The following RYK variants were observed in gnomAD, a reference collection of about 807,000 sequenced individuals.
The protein encoded by RYK is receptor like tyrosine kinase.
A neutral mutation model predicts 70.2 loss-of-function variants in RYK; 21 were observed. The observed-to-expected ratio is 0.30, with a 90% CI of 0.21 to 0.43. The LOEUF is 0.43. RYK is among the 20% of genes least tolerant of loss of function. The probability of loss-of-function intolerance (pLI) is 1.00; values close to 1 mark genes in which losing one functional copy is unlikely to be tolerated. For synonymous variants in RYK, 267 were observed against 278.0 expected (o/e 0.96, Z 0.39); for missense variants, 604 against 753.3 (o/e 0.80, Z 2.32).
intron 13 of RYK, among the ~76,000 whole-genome samples, chr3:134,173,449 T>C (rs1396546030): frequency 2.6e-5 from 4 of 151,880 alleles, no homozygotes; most frequent in African/African-American, 9.7e-5. Flanking sequence ...AGGAGAGAGG[T>C]TGAATTGACT....
In RYK at chr3:134,240,077, T is replaced by A. The variant is rs145505311; in HGVS notation, c.232+10346A>T. ...GTCTCTACATATACATTTACATATT[T>A]ATAAATCAGGAAAAGCTCAACAGCT... On this transcript the variant is annotated intron_variant, in intron 1 of 14. Transcript: ENST00000623711. Among the ~76,000 whole-genome samples, 1,117 of 152,336 alleles carry A rather than the reference T, an allele frequency of 7.3e-3. 9 individuals are homozygous for A. The highest frequency in any genetic ancestry group is 0.031 in the Middle Eastern group (9 of 294).
At chr3:134,195,253 C>A in intron 6 of RYK, 71 bp from the exon 7 acceptor site, 1 of 1,039,664 alleles carries the variant, frequency 9.6e-7, no homozygotes, top group Admixed American at 1.9e-5. Context: ...TCCATACATA[C>A]AAAATGCACA....
intron 7 of RYK, among the ~76,000 whole-genome samples, chr3:134,194,806 G>T (rs936883672): frequency 1.3e-5 from 2 of 152,094 alleles, no homozygotes; most frequent in African/African-American, 4.8e-5. Context: ...AATTTCTATA[G>T]AAGTGACTTA....
chr3:134,225,664 G>A (rs1451495228), intron 1 of RYK, among the ~76,000 whole-genome samples: 1 of 152,050 alleles, frequency 6.6e-6, no homozygotes, highest in Non-Finnish European at 1.5e-5. Context: ...GACCAGCCTG[G>A]GCAACACAGC....
chr3:134,166,115 C>T (rs1436234729), intron 13 of RYK, among the ~76,000 whole-genome samples: 2 of 152,180 alleles, frequency 1.3e-5, no homozygotes, highest in African/African-American at 4.8e-5. Flanking sequence ...GTGTCCCTGC[C>T]ACCATTTATA....
At chr3:134,178,242 G>C in intron 10 of RYK, 169 bp from the exon 11 acceptor site, 1 of 560,802 alleles carries the variant, frequency 1.8e-6, no homozygotes, top group South Asian at 2.5e-5. Flanking sequence ...CCAGACTTAA[G>C]TGTCCCCTAT....
At chr3:134,188,514 C>T (rs1198983514) in intron 9 of RYK, among the ~76,000 whole-genome samples, 2 of 152,176 alleles carry the variant, frequency 1.3e-5, no homozygotes, top group Admixed American at 1.3e-4. Context: ...CCAACTATGG[C>T]TATACCTGCA....
At chr3:134,212,852 T>C (rs960380565) in intron 2 of RYK, among the ~76,000 whole-genome samples, 2 of 152,186 alleles carry the variant, frequency 1.3e-5, no homozygotes, top group African/African-American at 2.4e-5. Context: ...TTGGGGTTTC[T>C]CCTTTCACAC....
intron 1 of RYK, among the ~76,000 whole-genome samples, chr3:134,224,335 GGAGA>G (rs1489055301): frequency 5.9e-5 from 9 of 152,106 alleles, no homozygotes; most frequent in Non-Finnish European, 2.9e-5. Context: ...TAGCTGAGGT[GGAGA>G]GAGAGAGGGG....
At chr3:134,184,395 T>C (rs1336300088) in intron 9 of RYK, among the ~76,000 whole-genome samples, 1 of 152,130 alleles carries the variant, frequency 6.6e-6, no homozygotes, top group Non-Finnish European at 1.5e-5. Context: ...GGATTCCTCA[T>C]CTTATAGGGA....
rs1487126898 is a variant in RYK, at chr3:134,250,608, G to C, written c.47C>G (p.Pro16Arg). The C allele has an allele frequency of 4.8e-6, 5 of 1,032,656 alleles. No individual in the cohort carries two copies. The highest frequency in any genetic ancestry group is 4.5e-4 in the Middle Eastern group (1 of 2,240). 64.0% of individuals were successfully genotyped at this position (1,032,656 alleles called of 1,614,324 possible). Residue 16 changes from proline (P) to arginine (R), a missense_variant, in exon 1 of 15, where the codon CCG becomes CGG. By Grantham distance (103) the Pro-to-Arg change is moderately radical. Coordinates refer to ENST00000623711, the MANE Select transcript of RYK (RefSeq NM_002958.4). ...CGGGGCCCTCAGGCCGCGGGCCCCC[G>C]GGAGGCAACTCCGGCCCGGCCGCCC... ...RLGRPGRSCL[P>R]GARGLRAPPP...
At chr3:134,174,091 G>A (rs1017440444) in intron 13 of RYK, among the ~76,000 whole-genome samples, 1 of 152,176 alleles carries the variant, frequency 6.6e-6, no homozygotes, top group African/African-American at 2.4e-5. Flanking sequence ...TTTGAAAGAC[G>A]TATGTGAAGA....
At chr3:134,165,452 C>G (rs1356987464) in intron 13 of RYK, among the ~76,000 whole-genome samples, 3 of 152,206 alleles carry the variant, frequency 2.0e-5, no homozygotes, top group African/African-American at 7.2e-5. Flanking sequence ...AAAAACAATT[C>G]AGCCTTTCAC....
At chr3:134,186,870 T>C (rs774470508) in intron 9 of RYK, among the ~76,000 whole-genome samples, 4 of 150,990 alleles carry the variant, frequency 2.6e-5, no homozygotes, top group Non-Finnish European at 5.9e-5. Context: ...GAAGAAATAT[T>C]TGAATTAAGG....
At chr3:134,229,181 T>C (rs2014987980) in intron 1 of RYK, among the ~76,000 whole-genome samples, 1 of 151,980 alleles carries the variant, frequency 6.6e-6, no homozygotes, top group South Asian at 2.1e-4. Context: ...GAAGAGGCCC[T>C]GTCTGCCAGA....
Position 134,159,295 on chromosome 3 carries a change from C to G in RYK, c.1654G>C (p.Ala552Pro). 1.2e-6 allele frequency: 2 copies of G among 1,613,852 alleles called. No homozygotes were observed. Among genetic ancestry groups the G allele is most frequent in the Non-Finnish European group, 1.7e-6 (2 of 1,179,824 alleles). Residue 552 changes from alanine to proline, a missense_variant, in exon 14 of 15, where the codon GCC becomes CCC. By Grantham distance (27) the Ala-to-Pro change is conservative. This residue lies in a region of RYK where 138 missense variants were observed against 217.4 expected (regional missense o/e 0.63). Coordinates refer to ENST00000623711, the MANE Select transcript of RYK (RefSeq NM_002958.4). Reference protein sequence around the residue: ...PYVDIDPFEMAAYLKDGYRIA... With the variant: ...PYVDIDPFEMPAYLKDGYRIA... ...CGGTAACCATCTTTCAGGTATGCGG[C>G]CATCTCGAAGGGGTCAATGTCCACG...
chr3:134,189,604 CA>C lies in RYK; in HGVS notation c.1016-682del, dbSNP rs575076025. Among the ~76,000 whole-genome samples the C allele has an allele frequency of 4.9e-3, 730 of 149,678 alleles. 8 individuals are homozygous for C. The highest frequency in any genetic ancestry group is 0.016 in the African/African-American group (665 of 40,844). ...TGAAACCCCGTCTCTACTAAAAATACAAAAAAAAATACAAAAAAATTAGCCG... is the reference window on the plus strand; with the variant it reads ...TGAAACCCCGTCTCTACTAAAAATACAAAAAAAATACAAAAAAATTAGCCG... On this transcript the variant is annotated intron_variant, in intron 8 of 14. Coordinates refer to ENST00000623711, the MANE Select transcript of RYK (RefSeq NM_002958.4).
At chr3:134,182,049 G>A (rs1381174832) in intron 10 of RYK, among the ~76,000 whole-genome samples, 1 of 151,982 alleles carries the variant, frequency 6.6e-6, no homozygotes, top group East Asian at 1.9e-4. Context: ...CAGCTACTCA[G>A]GAGGCTGAGG....
At chr3:134,247,738 T>C (rs2015502212) in intron 1 of RYK, among the ~76,000 whole-genome samples, 1 of 151,996 alleles carries the variant, frequency 6.6e-6, no homozygotes, top group Non-Finnish European at 1.5e-5. Context: ...CTCTTAAAAC[T>C]ATATGCATAT....
Sources: allele counts gnomAD v4.1 joint callset (sites outside exome capture counted in the v4.1 genomes callset), GRCh38; gene constraint gnomAD v4.1.1; regional missense constraint gnomAD v4.1.1; transcripts MANE v1.5; gene names NCBI Gene and HGNC (gene_info 2026-07-23, HGNC 2026-07-21).